PROCR: variants seen among roughly 807,000 people sequenced by gnomAD.
The protein encoded by PROCR is endothelial protein C receptor.
Under a neutral mutation model 24.2 loss-of-function variants are expected in PROCR, and 22 were observed. That is an observed-to-expected ratio of 0.91 (90% CI 0.65 to 1.30). The LOEUF is 1.30. PROCR is among the 50% of genes most tolerant of loss of function. The pLI, the probability that PROCR is intolerant of heterozygous loss-of-function variation, is 0.00. For synonymous variants in PROCR, 137 were observed against 139.2 expected, an observed-to-expected ratio of 0.98 and a Z score of 0.11; for missense variants, 288 against 307.7, an observed-to-expected ratio of 0.94 and a Z score of 0.48.
chr20:35,190,294 A>G (rs1235991807), intron 1 of PROCR, among the ~76,000 whole-genome samples: 1 of 152,200 alleles, frequency 6.6e-6, no homozygotes, highest in Admixed American at 6.5e-5. Flanking sequence ...CCAACTCGCA[A>G]TGCAGGGATA....
chr20:35,188,974 G>A (rs901993577), intron 1 of PROCR, among the ~76,000 whole-genome samples: 14 of 152,208 alleles, frequency 9.2e-5, no homozygotes, highest in East Asian at 3.9e-4. Flanking sequence ...ATCTTCATAA[G>A]CTGAGGATGT....
intron 1 of PROCR, 109 bp from the exon 2 acceptor site, chr20:35,174,593 T>TGAAG (rs2146142624): frequency 2.9e-6 from 4 of 1,392,978 alleles, no homozygotes; most frequent in Non-Finnish European, 4.0e-6. Flanking sequence ...TTATAGTTTA[T>TGAAG]GAAGGGTCGA....
chr20:35,212,897 T>C (rs1054010558), intron 1 of PROCR, among the ~76,000 whole-genome samples: 1 of 152,252 alleles, frequency 6.6e-6, no homozygotes, highest in Non-Finnish European at 1.5e-5. Context: ...GTATCTGTTT[T>C]ATCATGCCCT....
chr20:35,186,694 A>G (rs946339710), intron 1 of PROCR, among the ~76,000 whole-genome samples: 1 of 150,324 alleles, frequency 6.7e-6, no homozygotes, highest in African/African-American at 2.5e-5. Context: ...CATGCCTGTA[A>G]TCCCAGCAAT....
At chr20:35,200,338 A>G (rs2060314005) in intron 1 of PROCR, among the ~76,000 whole-genome samples, 1 of 152,162 alleles carries the variant, frequency 6.6e-6, no homozygotes, top group African/African-American at 2.4e-5. Flanking sequence ...GAGTCAATTG[A>G]TATGCAAACT....
intron 2 of PROCR, 36 bp from the exon 3 acceptor site, chr20:35,176,132 C>T: frequency 6.2e-7 from 1 of 1,600,754 alleles, no homozygotes; most frequent in Non-Finnish European, 8.5e-7. Context: ...GGCACCCTCT[C>T]TGCACAGTCC....
intron 1 of PROCR, among the ~76,000 whole-genome samples, chr20:35,208,903 C>T (rs1197823574): frequency 6.6e-6 from 1 of 150,508 alleles, no homozygotes; most frequent in Non-Finnish European, 1.5e-5. Flanking sequence ...ATCCAGGAGG[C>T]GGAGGCTGTA....
intron 1 of PROCR, among the ~76,000 whole-genome samples, chr20:35,207,126 G>A (rs2060345470): frequency 6.6e-6 from 1 of 152,124 alleles, no homozygotes; most frequent in Non-Finnish European, 1.5e-5. Flanking sequence ...TTATATGACA[G>A]TCTGGAAAAG....
intron 1 of PROCR, among the ~76,000 whole-genome samples, chr20:35,172,897 A>T (rs1363171854): frequency 6.6e-6 from 1 of 152,130 alleles, no homozygotes; most frequent in Non-Finnish European, 1.5e-5. Flanking sequence ...AATAATAACC[A>T]GTATTCAATG....
At chr20:35,185,607 T>C (rs1455949416) in intron 1 of PROCR, among the ~76,000 whole-genome samples, 1 of 152,202 alleles carries the variant, frequency 6.6e-6, no homozygotes, top group Non-Finnish European at 1.5e-5. Context: ...GATTAGAGAC[T>C]ATTATTCTAA....
upstream of PROCR, among the ~76,000 whole-genome samples, chr20:35,171,469 C>G (rs2069940): frequency 0.083 from 12,566 of 152,128 alleles, 634 homozygotes; most frequent in South Asian, 0.16. Context: ...CTTTAGGTAA[C>G]CAATCATCTT....
At chr20:35,173,696 C>T (rs2085975633) in intron 1 of PROCR, among the ~76,000 whole-genome samples, 1 of 152,036 alleles carries the variant, frequency 6.6e-6, no homozygotes, top group African/African-American at 2.4e-5. Context: ...TCCCAAAGTA[C>T]TGGGATTACA....
intron 1 of PROCR, among the ~76,000 whole-genome samples, chr20:35,205,783 A>ATATATATATATATATG (rs1555791723): frequency 7.3e-6 from 1 of 137,882 alleles, no homozygotes; most frequent in South Asian, 2.3e-4. Flanking sequence ...ATATATATAT[A>ATATATATATATATATG]TATATGTATA....
chr20:35,186,376 G>T (rs953927802), intron 1 of PROCR, among the ~76,000 whole-genome samples: 30 of 151,330 alleles, frequency 2.0e-4, no homozygotes, highest in Non-Finnish European at 3.1e-4. Flanking sequence ...AGACCAGCCT[G>T]ACCAACATGG....
intron 1 of PROCR, chr20:35,201,686 T>TC (rs2060318927): frequency 8.5e-6 from 1 of 117,184 alleles, no homozygotes; most frequent in Admixed American, 9.9e-5. Context: ...AGATTCCATT[T>TC]CAAAAAAAAA....
chr20:35,210,751 T>C (rs528087560), intron 1 of PROCR, among the ~76,000 whole-genome samples: 3 of 151,776 alleles, frequency 2.0e-5, no homozygotes, highest in South Asian at 2.1e-4. Flanking sequence ...GTCTCACTCT[T>C]GCCCAGGCTA....
intron 1 of PROCR, among the ~76,000 whole-genome samples, chr20:35,183,854 A>T (rs765739444): frequency 1.3e-5 from 2 of 152,230 alleles, no homozygotes; most frequent in Non-Finnish European, 2.9e-5. Flanking sequence ...GCACATGAAA[A>T]GATGCCCAAC....
downstream of PROCR, among the ~76,000 whole-genome samples, chr20:35,181,720 G>T (rs561471347): frequency 2.0e-5 from 3 of 152,152 alleles, no homozygotes; most frequent in African/African-American, 4.8e-5. Context: ...AAAACGGAAC[G>T]CCTCCTGCTT....
chr20:35,198,133 AT>A (rs1425970146), intron 1 of PROCR, among the ~76,000 whole-genome samples: 1 of 150,252 alleles, frequency 6.7e-6, no homozygotes, highest in African/African-American at 2.4e-5. Context: ...AAAAAAAAAA[AT>A]ACAAAAAATT....
Sources: allele counts gnomAD v4.1 joint callset (sites outside exome capture counted in the v4.1 genomes callset), GRCh38; gene constraint gnomAD v4.1.1; transcripts MANE v1.5; gene names NCBI Gene and HGNC (gene_info 2026-07-23, HGNC 2026-07-21).